FAM234B: variants seen among roughly 807,000 people sequenced by gnomAD.
FAM234B encodes the protein protein FAM234B.
In FAM234B, 33 loss-of-function variants were observed where a neutral mutation model predicts 69.3. The observed-to-expected ratio is 0.48, with a 90% confidence interval of 0.36 to 0.64. The LOEUF is 0.64. Ranked by LOEUF, FAM234B falls within the 30% of genes least tolerant of loss-of-function variation. The pLI is 0.00. For synonymous variants in FAM234B, 306 were observed against 306.9 expected, an observed-to-expected ratio of 1.00 and a Z score of 0.03; for missense variants, 697 against 769.7, an observed-to-expected ratio of 0.91 and a Z score of 1.12.
Position 13,076,128 on chromosome 12 carries a change from G to A in FAM234B, c.1627G>A (p.Val543Met). ...LLDLANTTGT[V>M]TASEVGINDL... is the part of the protein sequence containing the mutation. ...GGATCTGGCCAACACCACCGGCACA[G>A]TGACGGCTTCAGAGGGTGAGTCCCA... Residue 543 changes from valine to methionine, a missense_variant, in exon 11 of 13, where the codon GTG becomes ATG. By Grantham distance (21) the Val-to-Met change is conservative. Transcript: ENST00000197268. The A allele has an allele frequency of 6.2e-7, 1 of 1,613,470 alleles. No homozygotes were observed. Among genetic ancestry groups the A allele is most frequent in the Non-Finnish European group, 8.5e-7 (1 of 1,179,374 alleles).
intron 10 of FAM234B, among the ~76,000 whole-genome samples, chr12:13,071,988 T>G (rs1045796632): frequency 6.6e-6 from 1 of 152,192 alleles, no homozygotes; most frequent in Non-Finnish European, 1.5e-5. Flanking sequence ...GCTACCTGTT[T>G]TAGGTACTGG....
chr12:13,058,385 T>C lies in FAM234B; in HGVS notation c.434-66T>C. On this transcript the variant is annotated intron_variant, in intron 2 of 12. Transcript: ENST00000197268. Reference sequence around the variant, plus strand: ...GTCTGCCTGGTGTTTATAGAGCTACTGGCAACAGAGAACTGGTTTGTGGTA... The same window carrying C: ...GTCTGCCTGGTGTTTATAGAGCTACCGGCAACAGAGAACTGGTTTGTGGTA... The C allele has an allele frequency of 2.3e-6, 3 of 1,279,806 alleles. No homozygotes were observed. The South Asian group carries it at 3.6e-5, about 15-fold the overall frequency. The allele number at this position is 1,279,806 out of a possible 1,614,324, so 79.3% of individuals were successfully genotyped here. A position where few individuals can be genotyped will look rare whatever the true frequency, so the allele number is the denominator to read the frequency against.
chr12:13,056,234 A>T (rs1864929730), intron 2 of FAM234B, among the ~76,000 whole-genome samples: 1 of 152,194 alleles, frequency 6.6e-6, no homozygotes, highest in East Asian at 1.9e-4. Context: ...GCACTGTATC[A>T]GGGGAATGCA....
chr12:13,066,771 C>T lies in FAM234B; in HGVS notation c.984C>T (p.Tyr328=). 1.2e-6 allele frequency: 2 copies of T among 1,613,004 alleles called. No individual in the cohort carries two copies. The highest frequency in any genetic ancestry group is 1.7e-6 in the Non-Finnish European group (2 of 1,179,614). ...ACATCACCACAAATGGGGCTGTCTA[C>T]ATCCTGTTTGGCTTTGGTAAGAAGC... ...QVYITTNGAV[Y]ILFGFGNIQA... Residue 328 remains tyrosine, a synonymous_variant, in exon 6 of 13, where the codon TAC becomes TAT. Transcript: ENST00000197268.
intron 11 of FAM234B, among the ~76,000 whole-genome samples, chr12:13,077,740 A>G (rs1591603613): frequency 6.6e-6 from 1 of 152,206 alleles, no homozygotes; most frequent in African/African-American, 2.4e-5. Flanking sequence ...ATACGTGTGC[A>G]TGTGTCTTTA....
chr12:13,056,700 A>G (rs1025530198), intron 2 of FAM234B, among the ~76,000 whole-genome samples: 1 of 152,172 alleles, frequency 6.6e-6, no homozygotes, highest in Non-Finnish European at 1.5e-5. Flanking sequence ...TCATTTACAT[A>G]TATTTATATA....
intron 1 of FAM234B, among the ~76,000 whole-genome samples, chr12:13,053,812 G>T (rs1591596193): frequency 6.6e-6 from 1 of 152,118 alleles, no homozygotes; most frequent in Non-Finnish European, 1.5e-5. Context: ...GGAGACCAGG[G>T]CATATTTCAG....
chr12:13,059,376 A>G (rs541891991), intron 3 of FAM234B, among the ~76,000 whole-genome samples: 1 of 152,362 alleles, frequency 6.6e-6, no homozygotes, highest in Admixed American at 6.5e-5. Flanking sequence ...TGCTGGCCAC[A>G]TCTTTGTGAA....
At chr12:13,052,755 G>A (rs552290465) in intron 1 of FAM234B, among the ~76,000 whole-genome samples, 258 of 152,266 alleles carry the variant, frequency 1.7e-3, no homozygotes, top group African/African-American at 6.0e-3. Flanking sequence ...CCATTTTGTA[G>A]CAAGTGTCAG....
At chr12:13,079,757 T>C (rs758904559) in intron 11 of FAM234B, 32 bp from the exon 12 acceptor site, 4 of 1,400,354 alleles carry the variant, frequency 2.9e-6, no homozygotes, top group Non-Finnish European at 4.1e-6. Flanking sequence ...TATGTGTCCA[T>C]GTTAACTGCT....
At position 13,055,570 on chromosome 12, in the gene FAM234B, A is replaced by AG; in HGVS notation, c.61dup (p.Glu21GlyfsTer3). 6.2e-7 allele frequency: 1 copy of AG among 1,606,336 alleles called. No homozygotes were observed. Among genetic ancestry groups the AG allele is most frequent in the Non-Finnish European group, 8.5e-7 (1 of 1,173,438 alleles). ...TTTCAGGGAAGAAGAGCCCAGACCT[A>AG]GGGGAGTATGATCCACTTACCCAGG... is the stretch of plus-strand genomic sequence containing the variant. On this transcript the variant is annotated frameshift_variant, in exon 2 of 13. Transcript: ENST00000197268. LOFTEE classifies it high-confidence loss of function.
chr12:13,065,137 G>A (rs925040887), intron 5 of FAM234B, among the ~76,000 whole-genome samples: 1 of 152,148 alleles, frequency 6.6e-6, no homozygotes, highest in Non-Finnish European at 1.5e-5. Flanking sequence ...GTCCTAAGCA[G>A]AAAGAAATCT....
rs770000113 is a variant in FAM234B at position 13,066,711 on chromosome 12, C to T, written c.924C>T (p.Ile308=). 13 of 1,614,080 alleles carry T rather than the reference C, an allele frequency of 8.1e-6. No homozygotes were observed. The South Asian group carries it at 8.8e-5, about 11-fold the overall frequency. The change falls in exon 6 of 13, where the codon ATC becomes ATT. Residue 308 remains isoleucine, a synonymous_variant. Transcript: ENST00000197268. ...TGGGTCGACCTGTGAAGTACAACAT[C>T]GTTGGAGTTGGGAATCTGATTGGTC... ...NPVGRPVKYN[I]VGVGNLIGPQ... is the part of the protein sequence containing the mutation.
chr12:13,051,724 C>A (rs1051613260), intron 1 of FAM234B, among the ~76,000 whole-genome samples: 2 of 152,052 alleles, frequency 1.3e-5, no homozygotes, highest in Admixed American at 1.3e-4. Context: ...GTTGAGGACA[C>A]CTGAAACAAT....
intron 11 of FAM234B, among the ~76,000 whole-genome samples, chr12:13,076,374 C>G (rs984874219): frequency 6.6e-6 from 1 of 152,194 alleles, no homozygotes. Flanking sequence ...GGTGAAAGCG[C>G]GTCCCATTCC....
chr12:13,079,696 T>C (rs183647928), intron 11 of FAM234B, 93 bp from the exon 12 acceptor site: 4 of 770,726 alleles, frequency 5.2e-6, no homozygotes, highest in African/African-American at 5.2e-5. Context: ...TATGAACTTA[T>C]GAGTAAATAA....
chr12:13,067,092 T>A lies in FAM234B; in HGVS notation c.1001-63T>A, dbSNP rs1591600169. The A allele has an allele frequency of 1.9e-6, 3 of 1,587,176 alleles. No individual in the cohort carries two copies. Among genetic ancestry groups the A allele is most frequent in the East Asian group, 2.2e-5 (1 of 44,738 alleles). The stretch of plus-strand genomic sequence containing the variant: ...TCAGGCTCTGTGTCTCTTGCTCAGA[T>A]CCTCACCATGGGACAGTTCTGTTAA... On this transcript the variant is annotated intron_variant, in intron 6 of 12. Transcript: ENST00000197268. This position sits in a 1 kb window ranked among gnomAD's most constrained non-coding sequence, Gnocchi z 4.7.
At chr12:13,065,228 G>A (rs1331936935) in intron 5 of FAM234B, among the ~76,000 whole-genome samples, 1 of 152,086 alleles carries the variant, frequency 6.6e-6, no homozygotes, top group African/African-American at 2.4e-5. Context: ...CTTTCTATAG[G>A]AAAGCCCTTT....
intron 11 of FAM234B, among the ~76,000 whole-genome samples, chr12:13,079,419 G>A (rs542646788): frequency 3.4e-4 from 52 of 152,342 alleles, no homozygotes; most frequent in African/African-American, 1.2e-3. Flanking sequence ...ACACTGGCAA[G>A]GTAAATCGCC....
Sources: allele counts gnomAD v4.1 joint callset (sites outside exome capture counted in the v4.1 genomes callset), GRCh38; gene constraint gnomAD v4.1.1; non-coding constraint Gnocchi (gnomAD v3.1); transcripts MANE v1.5; gene names NCBI Gene and HGNC (gene_info 2026-07-23, HGNC 2026-07-21).